Variants in RUFY2 observed in about 807,000 individuals in gnomAD.
RUFY2 encodes RUN and FYVE domain containing 2.
A neutral mutation model predicts 94.4 loss-of-function variants in RUFY2; 49 were observed. The observed-to-expected ratio is 0.52, with a 90% CI of 0.41 to 0.66. The LOEUF (loss-of-function observed/expected upper bound fraction) is 0.66, where lower values mean the gene tolerates loss of function less well. Among genes scored for constraint, RUFY2 ranks in the 30% least tolerant of loss-of-function variants. RUFY2 has a pLI of 0.00. For synonymous variants in RUFY2, 255 were observed against 235.7 expected, an observed-to-expected ratio of 1.08 and a Z score of -0.75; for missense variants, 541 against 692.8, an observed-to-expected ratio of 0.78 and a Z score of 2.46.
At chr10:68,366,963 T>C (rs1028869168) in intron 13 of RUFY2, among the ~76,000 whole-genome samples, 2 of 149,736 alleles carry the variant, frequency 1.3e-5, no homozygotes, top group Non-Finnish European at 3.0e-5. Context: ...AGGTCAGGAA[T>C]TCGAGACCAG....
At chr10:68,372,281 T>A (rs1475775184) in intron 13 of RUFY2, among the ~76,000 whole-genome samples, 1 of 151,950 alleles carries the variant, frequency 6.6e-6, no homozygotes, top group African/African-American at 2.4e-5. Flanking sequence ...GCTACTATCA[T>A]CCTAGCTACT....
chr10:68,386,156 T>C (rs2049478372), intron 7 of RUFY2, 28 bp from the exon 8 acceptor site: 3 of 1,581,698 alleles, frequency 1.9e-6, no homozygotes, highest in East Asian at 2.2e-5. Flanking sequence ...AAAAACTCAT[T>C]CAAAATCACA....
At chr10:68,363,819 C>T in intron 14 of RUFY2, 135 bp from the exon 15 acceptor site, 1 of 829,266 alleles carries the variant, frequency 1.2e-6, no homozygotes, top group South Asian at 2.0e-5. Flanking sequence ...AAAGCTCTTT[C>T]CTAGCTGCTG....
chr10:68,383,480 G>T (rs1044335750), intron 10 of RUFY2, among the ~76,000 whole-genome samples: 2 of 151,250 alleles, frequency 1.3e-5, no homozygotes, highest in African/African-American at 4.9e-5. Flanking sequence ...TTAGCCGGGT[G>T]TGGTGGCACA....
intron 13 of RUFY2, among the ~76,000 whole-genome samples, chr10:68,370,448 CTTTTTT>C (rs949829713): frequency 7.9e-6 from 1 of 126,176 alleles, no homozygotes; most frequent in African/African-American, 2.9e-5. Flanking sequence ...TTTCTTTTTT[CTTTTTT>C]TTTTTTTTTT....
intron 16 of RUFY2, among the ~76,000 whole-genome samples, chr10:68,354,087 A>G (rs1430442537): frequency 6.6e-6 from 1 of 152,194 alleles, no homozygotes; most frequent in East Asian, 1.9e-4. Flanking sequence ...GGGCAGATAA[A>G]GGGCAAGGGA....
downstream of RUFY2, chr10:68,341,919 C>T (rs745401610): frequency 1.0e-4 from 160 of 1,596,182 alleles, no homozygotes; most frequent in Middle Eastern, 3.3e-4. Flanking sequence ...GCAGGTATTA[C>T]TTTTATTATT....
intron 16 of RUFY2, among the ~76,000 whole-genome samples, chr10:68,348,236 C>T (rs2046418048): frequency 6.6e-6 from 1 of 150,580 alleles, no homozygotes; most frequent in Non-Finnish European, 1.5e-5. Context: ...GTGGCTGACA[C>T]CTGTAATCCC....
downstream of RUFY2, chr10:68,341,482 C>T: frequency 9.8e-7 from 1 of 1,017,088 alleles, no homozygotes; most frequent in Non-Finnish European, 1.5e-6. Context: ...AATAAGCATA[C>T]TTTGTTTAAT....
At chr10:68,376,671 G>A (rs1215453288) in intron 13 of RUFY2, among the ~76,000 whole-genome samples, 182 bp downstream of exon 13, 3 of 150,136 alleles carry the variant, frequency 2.0e-5, no homozygotes, top group Non-Finnish European at 4.4e-5. Flanking sequence ...AATCATAAAG[G>A]GAGTAAAAAC....
chr10:68,386,315 CA>C lies in RUFY2; in HGVS notation c.651-188del, dbSNP rs554272047. On this transcript the variant is annotated intron_variant, in intron 7 of 17. Transcript: ENST00000602465. ...GCTAGGAGGGCAATAAAGAGTGTAG[CA>C]AAATAATATTTGTATTAAAATTCCA... Among the ~76,000 whole-genome samples the C allele has an allele frequency of 2.7e-3, 406 of 152,160 alleles. 2 individuals carry two copies. The highest frequency in any genetic ancestry group is 9.3e-3 in the African/African-American group (385 of 41,514).
chr10:68,406,511 G>A (rs1019529800), intron 1 of RUFY2, among the ~76,000 whole-genome samples: 1 of 152,170 alleles, frequency 6.6e-6, no homozygotes, highest in Non-Finnish European at 1.5e-5. Context: ...ATCGGTGCTG[G>A]GCACCGGCAG....
chr10:68,357,034 A>AG (rs1247997463), intron 15 of RUFY2, among the ~76,000 whole-genome samples: 3 of 151,214 alleles, frequency 2.0e-5, no homozygotes, highest in South Asian at 2.1e-4. Context: ...GGGCGTGGTG[A>AG]GGGGCGCCTG....
At chr10:68,381,428 A>G (rs1229554261) in intron 10 of RUFY2, 29 bp from the exon 11 acceptor site, 6 of 1,590,254 alleles carry the variant, frequency 3.8e-6, no homozygotes, top group Non-Finnish European at 5.1e-6. Context: ...CTCAATTCAC[A>G]TGCCACTTCA....
chr10:68,392,765 CAA>C (rs34336651), intron 7 of RUFY2, among the ~76,000 whole-genome samples: 1,945 of 113,170 alleles, frequency 0.017, 13 homozygotes, highest in Non-Finnish European at 0.029. Flanking sequence ...TACTAAAATA[CAA>C]AAAAAAAAAA....
chr10:68,390,607 G>C (rs1264514678), intron 7 of RUFY2, among the ~76,000 whole-genome samples: 1 of 152,076 alleles, frequency 6.6e-6, no homozygotes, highest in African/African-American at 2.4e-5. Context: ...AAAAAAAAGA[G>C]AGTATAAAAT....
At chr10:68,392,994 C>G (rs1009832938) in intron 7 of RUFY2, 144 bp downstream of exon 7, 4 of 388,134 alleles carry the variant, frequency 1.0e-5, no homozygotes, top group African/African-American at 8.4e-5. Context: ...CAATAATTCT[C>G]TGTATTCTTA....
At chr10:68,393,091 A>C in intron 7 of RUFY2, 47 bp downstream of exon 7, 1 of 1,136,044 alleles carries the variant, frequency 8.8e-7, no homozygotes, top group Non-Finnish European at 1.3e-6. Context: ...AAAAAACAAA[A>C]ACCTAAGACA....
intron 4 of RUFY2, 60 bp from the exon 5 acceptor site, chr10:68,394,511 T>TA: frequency 8.0e-7 from 1 of 1,249,336 alleles, no homozygotes; most frequent in African/African-American, 1.5e-5. Context: ...AACTAAAATT[T>TA]AAAATCACCA....
Sources: gnomAD v4.1 joint callset for allele counts (sites outside exome capture counted in the v4.1 genomes callset) on GRCh38, gnomAD v4.1.1 for gene constraint, MANE v1.5 for transcripts, NCBI Gene and HGNC (gene_info 2026-07-23, HGNC 2026-07-21) for gene names.